Variants in EBF1 observed in about 807,000 individuals in gnomAD.
The protein encoded by EBF1 is transcription factor COE1.
Under a neutral mutation model 68.4 loss-of-function variants are expected in EBF1, and 10 were observed. The observed-to-expected ratio is 0.15, with a 90% CI of 0.09 to 0.25. The LOEUF (loss-of-function observed/expected upper bound fraction) is 0.25, where lower values mean the gene tolerates loss of function less well. Ranked by LOEUF, EBF1 falls within the 10% of genes least tolerant of loss-of-function variation. The pLI is 1.00. For synonymous variants in EBF1, 298 were observed against 299.8 expected (o/e 0.99, Z 0.06); for missense variants, 509 against 794.4 (o/e 0.64, Z 4.32).
chr5:158,711,503 T>G (rs1034993704), intron 14 of EBF1, among the ~76,000 whole-genome samples: 1 of 152,188 alleles, frequency 6.6e-6, no homozygotes, highest in African/African-American at 2.4e-5. Context: ...TGGGTGCTAG[T>G]TCCTTCCCAA....
chr5:159,054,248 C>G (rs1044755869), intron 6 of EBF1, among the ~76,000 whole-genome samples: 1 of 151,826 alleles, frequency 6.6e-6, no homozygotes, highest in Non-Finnish European at 1.5e-5. Context: ...AAATAAGAAG[C>G]GAAGGAAAGC....
chr5:158,840,123 A>C lies in EBF1; in HGVS notation c.555-13T>G, dbSNP rs1328103215. 2 of 1,607,106 alleles carry C rather than the reference A, an allele frequency of 1.2e-6. No individual in the cohort carries two copies. The highest frequency in any genetic ancestry group is 2.7e-5 in the African/African-American group (2 of 74,752). ...TTTCAAGAAGAACCTGTGAAGAAAC[A>C]AATCATCATGGTTAGCATTTCGGTT... On this transcript the variant is annotated splice_polypyrimidine_tract_variant and intron_variant, in intron 6 of 15. Coordinates refer to ENST00000313708, the MANE Select transcript of EBF1 (RefSeq NM_024007.5).
At chr5:159,031,255 T>C (rs1768787669) in intron 6 of EBF1, among the ~76,000 whole-genome samples, 1 of 152,112 alleles carries the variant, frequency 6.6e-6, no homozygotes, top group Admixed American at 6.5e-5. Flanking sequence ...CTAAACAACA[T>C]TTGGAGCTGT....
intron 6 of EBF1, among the ~76,000 whole-genome samples, chr5:158,965,417 G>A (rs1212070761): frequency 6.6e-6 from 1 of 152,180 alleles, no homozygotes; most frequent in African/African-American, 2.4e-5. Flanking sequence ...GATCCCAATT[G>A]TACTTTCATT....
At chr5:158,918,784 T>C (rs1807767555) in intron 6 of EBF1, among the ~76,000 whole-genome samples, 1 of 152,236 alleles carries the variant, frequency 6.6e-6, no homozygotes, top group Non-Finnish European at 1.5e-5. Context: ...CAGCATCCTG[T>C]GTGCTGGGCA....
In EBF1 at chr5:158,801,163, C is replaced by G. The variant is rs559526850; in HGVS notation, c.779-4688G>C. Among the ~76,000 whole-genome samples the G allele has an allele frequency of 6.6e-5, 10 of 152,026 alleles. 1 individual carries two copies. The East Asian group carries it at 1.6e-3, about 24-fold the overall frequency. On this transcript the variant is annotated intron_variant, in intron 8 of 15. Transcript: ENST00000313708. Reference sequence around the variant, plus strand: ...TGACAATAACATGATTACCCTACCACAGTTTAGCATAATGGCTCTGAAATG... The same window carrying G: ...TGACAATAACATGATTACCCTACCAGAGTTTAGCATAATGGCTCTGAAATG...
chr5:158,823,081 G>A, intron 8 of EBF1, 95 bp downstream of exon 8: 1 of 1,552,044 alleles, frequency 6.4e-7, no homozygotes, highest in Non-Finnish European at 8.9e-7. Context: ...TTTGAAATTT[G>A]AAACAGAATA....
chr5:158,969,919 A>AAGAAAGAAAGAAAGAAAGAAAG (rs1554093998), intron 6 of EBF1, among the ~76,000 whole-genome samples: 892 of 60,050 alleles, frequency 0.015, 41 homozygotes, highest in Middle Eastern at 0.026. Context: ...AAAGAAAGAA[A>AAGAAAGAAAGAAAGAAAGAAAG]AAAAAAAAAA....
intron 6 of EBF1, among the ~76,000 whole-genome samples, chr5:158,990,310 G>A (rs1176947950): frequency 1.3e-5 from 2 of 152,184 alleles, no homozygotes; most frequent in Non-Finnish European, 2.9e-5. Flanking sequence ...CAGCAATCCT[G>A]GCTCCGTGAA....
intron 8 of EBF1, among the ~76,000 whole-genome samples, chr5:158,814,205 T>C (rs1783248967): frequency 6.6e-6 from 1 of 152,136 alleles, no homozygotes; most frequent in South Asian, 2.1e-4. Flanking sequence ...TAGCCTGATG[T>C]GATGGAGTGC....
chr5:158,805,325 C>T (rs755869600), intron 8 of EBF1, among the ~76,000 whole-genome samples: 8 of 152,052 alleles, frequency 5.3e-5, no homozygotes, highest in Non-Finnish European at 7.4e-5. Flanking sequence ...TGGCTGGAGT[C>T]GTATTTTTAA....
intron 5 of EBF1, among the ~76,000 whole-genome samples, chr5:159,082,032 C>G (rs970871228): frequency 6.6e-6 from 1 of 152,166 alleles, no homozygotes; most frequent in Admixed American, 6.5e-5. Context: ...TGGCCAGTCC[C>G]TTATCCAGCC....
chr5:158,869,968 ACT>A (rs1048001267), intron 6 of EBF1, among the ~76,000 whole-genome samples: 1 of 152,078 alleles, frequency 6.6e-6, no homozygotes, highest in Non-Finnish European at 1.5e-5. Flanking sequence ...AGAAGGCAAA[ACT>A]CTAATTCCAC....
chr5:158,978,979 C>A (rs1240354324), intron 6 of EBF1, among the ~76,000 whole-genome samples: 1 of 152,066 alleles, frequency 6.6e-6, no homozygotes, highest in South Asian at 2.1e-4. Flanking sequence ...ACAGACAATG[C>A]AAAAGGTGGC....
intron 6 of EBF1, among the ~76,000 whole-genome samples, chr5:158,907,666 C>T (rs1246085273): frequency 6.6e-6 from 1 of 152,098 alleles, no homozygotes; most frequent in Non-Finnish European, 1.5e-5. Context: ...TGAATAAGAA[C>T]AGAATCAGTT....
At chr5:158,763,052 C>T (rs1037436608) in intron 10 of EBF1, among the ~76,000 whole-genome samples, 1 of 152,162 alleles carries the variant, frequency 6.6e-6, no homozygotes, top group Admixed American at 6.5e-5. Flanking sequence ...TGACCATCAT[C>T]TTGCAAGTAT....
At chr5:158,960,404 T>C (rs529225028) in intron 6 of EBF1, among the ~76,000 whole-genome samples, 1 of 152,062 alleles carries the variant, frequency 6.6e-6, no homozygotes, top group Non-Finnish European at 1.5e-5. Context: ...AAAGAAAATA[T>C]AGGTGAAGAT....
intron 10 of EBF1, among the ~76,000 whole-genome samples, chr5:158,752,090 T>C (rs1769026923): frequency 6.6e-6 from 1 of 152,054 alleles, no homozygotes; most frequent in African/African-American, 2.4e-5. Context: ...GATGTGAAAC[T>C]AAATAGATAC....
intron 6 of EBF1, among the ~76,000 whole-genome samples, chr5:159,023,603 T>G (rs929858797): frequency 2.0e-5 from 3 of 152,326 alleles, no homozygotes; most frequent in Middle Eastern, 3.4e-3. Context: ...TCTACATGGT[T>G]TGTAACATGC....
Sources: gnomAD v4.1 joint callset for allele counts (sites outside exome capture counted in the v4.1 genomes callset) on GRCh38, gnomAD v4.1.1 for gene constraint, MANE v1.5 for transcripts, NCBI Gene and HGNC (gene_info 2026-07-23, HGNC 2026-07-21) for gene names.